CLPB: variants seen among roughly 807,000 people sequenced by gnomAD.
CLPB encodes mitochondrial disaggregase.
Under a neutral mutation model 78.4 loss-of-function variants are expected in CLPB, and 40 were observed. The ratio of observed to expected loss-of-function variants is 0.51; its 90% CI spans 0.40 to 0.66. CLPB has a LOEUF of 0.66. Among genes scored for constraint, CLPB ranks in the 30% least tolerant of loss-of-function variants. The pLI, the probability that CLPB is intolerant of heterozygous loss-of-function variation, is 0.00. For missense variants in CLPB, 780 were observed against 886.9 expected, an observed-to-expected ratio of 0.88 and a Z score of 1.53; for synonymous variants, 333 against 348.0, an observed-to-expected ratio of 0.96 and a Z score of 0.48.
intron 7 of CLPB, among the ~76,000 whole-genome samples, chr11:72,309,665 T>G (rs1949808370): frequency 6.6e-6 from 1 of 152,210 alleles, no homozygotes. Flanking sequence ...CCTGTCGTCT[T>G]TTTTTAAAAA....
intron 5 of CLPB, among the ~76,000 whole-genome samples, chr11:72,348,246 T>TC (rs1239436649): frequency 6.6e-6 from 1 of 152,172 alleles, no homozygotes; most frequent in Admixed American, 6.5e-5. Flanking sequence ...CTGGTACTAC[T>TC]CCAAATTTTT....
intron 1 of CLPB, among the ~76,000 whole-genome samples, chr11:72,433,187 A>G (rs1856596206): frequency 6.6e-6 from 1 of 152,196 alleles, no homozygotes; most frequent in African/African-American, 2.4e-5. Context: ...TGAGACTGAC[A>G]GACTCAGGCC....
intron 5 of CLPB, among the ~76,000 whole-genome samples, chr11:72,357,700 GA>G (rs747456359): frequency 0.039 from 1,721 of 43,892 alleles, 7 homozygotes; most frequent in Middle Eastern, 0.065. Context: ...CCGTGTCCCA[GA>G]AAAAAAAAAA....
At chr11:72,303,375 G>A (rs1056869882) in intron 9 of CLPB, among the ~76,000 whole-genome samples, 4 of 152,208 alleles carry the variant, frequency 2.6e-5, no homozygotes, top group South Asian at 2.1e-4. Context: ...AGAAATTCAC[G>A]CCATGATGTA....
chr11:72,405,656 C>T (rs184634311), intron 2 of CLPB, among the ~76,000 whole-genome samples: 54 of 152,200 alleles, frequency 3.5e-4, no homozygotes, highest in African/African-American at 1.3e-3. Flanking sequence ...AGGCCGGGCA[C>T]GGTGGCTCAC....
At chr11:72,322,407 C>A (rs1204393779) in intron 6 of CLPB, among the ~76,000 whole-genome samples, 1 of 152,160 alleles carries the variant, frequency 6.6e-6, no homozygotes, top group Non-Finnish European at 1.5e-5. Flanking sequence ...TCAGGTGGAA[C>A]TCCTGACCTC....
Position 72,422,232 on chromosome 11 carries a change from C to G in CLPB, c.455+8080G>C, listed in dbSNP as rs1288905971. ...AGTGAGTCGAGATTGTGCCACTGCACTCCAGCCTGGGTGACAGAGCAAGAC... is the reference window on the plus strand; with the variant it reads ...AGTGAGTCGAGATTGTGCCACTGCAGTCCAGCCTGGGTGACAGAGCAAGAC... On this transcript the variant is annotated intron_variant, in intron 2 of 15. Transcript: ENST00000538039. 3.7e-5 allele frequency among the ~76,000 whole-genome samples: 5 copies of G among 133,900 alleles called. No individual in the cohort carries two copies. In the South Asian group the frequency reaches 6.8e-4, roughly 18 times the overall value. 87.8% of individuals were successfully genotyped at this position (133,900 alleles called of 152,430 possible).
At chr11:72,330,527 A>G (rs1402651694) in intron 5 of CLPB, among the ~76,000 whole-genome samples, 1 of 152,214 alleles carries the variant, frequency 6.6e-6, no homozygotes, top group Non-Finnish European at 1.5e-5. Context: ...TCAAGTGTCT[A>G]CTTTGTGCCA....
At position 72,312,618 on chromosome 11, in the gene CLPB, T is replaced by C. The variant is rs1450307133; in HGVS notation, c.989-4014A>G. On this transcript the variant is annotated intron_variant, in intron 7 of 15. Coordinates refer to ENST00000538039, the MANE Select transcript of CLPB (RefSeq NM_001258392.3). This position sits in a 1 kb window ranked among gnomAD's most constrained non-coding sequence, Gnocchi z 4.2. ...GAGAAAGAACAGGTACTTCAACTCA[T>C]TTTACAGAGAAGAGGAGAAGAGTAA... Among the ~76,000 whole-genome samples, 1 of 152,164 alleles carries C rather than the reference T, an allele frequency of 6.6e-6. No homozygotes were observed. Among genetic ancestry groups the C allele is most frequent in the Admixed American group, 6.5e-5 (1 of 15,280 alleles).
chr11:72,296,770 C>T (rs911542835), intron 11 of CLPB, among the ~76,000 whole-genome samples: 7 of 152,148 alleles, frequency 4.6e-5, no homozygotes, highest in African/African-American at 1.4e-4. Context: ...CCCAGAACAG[C>T]GTCCGGTACA....
chr11:72,353,193 GAAT>G (rs1262434448), intron 5 of CLPB: 1 of 152,294 alleles, frequency 6.6e-6, no homozygotes, highest in South Asian at 2.1e-4. Context: ...GGATGGTGGG[GAAT>G]TTAAGGACTC....
intron 5 of CLPB, among the ~76,000 whole-genome samples, chr11:72,340,243 T>G (rs1450234501): frequency 2.0e-5 from 3 of 152,186 alleles, no homozygotes; most frequent in Non-Finnish European, 2.9e-5. Flanking sequence ...GGATTTTAAT[T>G]ACTGGTTTGG....
At chr11:72,350,509 T>C (rs1022581289) in intron 5 of CLPB, among the ~76,000 whole-genome samples, 1 of 152,256 alleles carries the variant, frequency 6.6e-6, no homozygotes, top group Non-Finnish European at 1.5e-5. Flanking sequence ...AATTAGCTGG[T>C]AATTTTGTAA....
In CLPB at chr11:72,312,603, AG is replaced by A. The variant is rs149022150; in HGVS notation, c.989-4000del. 7.4e-3 allele frequency among the ~76,000 whole-genome samples: 1,130 copies of A among 152,308 alleles called. 13 individuals are homozygous for A. The highest frequency in any genetic ancestry group is 0.026 in the African/African-American group (1,089 of 41,568). ...TCTCAAATTGCAAGGGAGAAAGAAC[AG>A]GTACTTCAACTCATTTTACAGAGAA... On this transcript the variant is annotated intron_variant, in intron 7 of 15. Transcript: ENST00000538039. This position sits in a 1 kb window ranked among gnomAD's most constrained non-coding sequence, Gnocchi z 4.2.
In CLPB at chr11:72,288,026, T is replaced by TAA; in HGVS notation, c.*5339_*5340dup. 1 of 152,324 alleles carries TAA rather than the reference T, an allele frequency of 6.6e-6. No individual in the cohort carries two copies. The highest frequency in any genetic ancestry group is 1.9e-4 in the East Asian group (1 of 5,196). 9.4% of individuals were successfully genotyped at this position (152,324 alleles called of 1,614,324 possible). Reference sequence around the variant, plus strand: ...GGTCCATTTTCTATTTTTTATGGTTTAAGTGTGTTTCTTTCCTAAATTTCT... The same window carrying TAA: ...GGTCCATTTTCTATTTTTTATGGTTTAAAAGTGTGTTTCTTTCCTAAATTTCT... On this transcript the variant is annotated 3_prime_UTR_variant, in exon 16 of 16. Coordinates refer to ENST00000538039, the MANE Select transcript of CLPB (RefSeq NM_001258392.3).
intron 2 of CLPB, among the ~76,000 whole-genome samples, chr11:72,412,969 T>TCACA (rs573851181): frequency 1.3e-5 from 2 of 150,534 alleles, no homozygotes; most frequent in African/African-American, 2.4e-5. Context: ...GTTACAAAAA[T>TCACA]CACACACACA....
rs76462043 is a variant in CLPB, at chr11:72,340,772, C to A, written c.776-10968G>T. 6.1e-3 allele frequency among the ~76,000 whole-genome samples: 925 copies of A among 152,272 alleles called. 9 individuals carry two copies. The highest frequency in any genetic ancestry group is 0.021 in the African/African-American group (888 of 41,546). ...ATGGCTCTGCCACTTAGTGGTGAACCTTGGTTGTTACTGAACTGCTTGGTG... is the reference window on the plus strand; with the variant it reads ...ATGGCTCTGCCACTTAGTGGTGAACATTGGTTGTTACTGAACTGCTTGGTG... On this transcript the variant is annotated intron_variant, in intron 5 of 15. Transcript: ENST00000538039.
At chr11:72,432,338 A>C (rs1856570266) in intron 1 of CLPB, among the ~76,000 whole-genome samples, 1 of 152,198 alleles carries the variant, frequency 6.6e-6, no homozygotes, top group Non-Finnish European at 1.5e-5. Flanking sequence ...ACCTGAAAAA[A>C]CAAAAGAGAA....
Position 72,329,982 on chromosome 11 carries a change from ATACTACACACACG to A in CLPB, c.776-191_776-179del, listed in dbSNP as rs1410542069. ...TGTGCATGCACACATGTTCGATAAC[ATACTACACACACG>A]TAGATGTGTTATACATACACAAACA... is the stretch of plus-strand genomic sequence containing the variant. On this transcript the variant is annotated intron_variant, in intron 5 of 15. Transcript: ENST00000538039. 2.0e-5 allele frequency among the ~76,000 whole-genome samples: 3 copies of A among 152,346 alleles called. No individual in the cohort carries two copies. In the East Asian group the frequency reaches 5.8e-4, roughly 29 times the overall value.
Sources: allele counts gnomAD v4.1 joint callset (sites outside exome capture counted in the v4.1 genomes callset), GRCh38; gene constraint gnomAD v4.1.1; non-coding constraint Gnocchi (gnomAD v3.1); transcripts MANE v1.5; gene names NCBI Gene and HGNC (gene_info 2026-07-23, HGNC 2026-07-21).